SSH3: variants seen among roughly 807,000 people sequenced by gnomAD.
The protein encoded by SSH3 is protein phosphatase Slingshot homolog 3.
A neutral mutation model predicts 75.0 loss-of-function variants in SSH3; 67 were observed. The ratio of observed to expected loss-of-function variants is 0.89; its 90% CI spans 0.73 to 1.10. The LOEUF (loss-of-function observed/expected upper bound fraction) is 1.10. SSH3 is among the 50% of genes least tolerant of loss of function. The pLI, the probability that SSH3 is intolerant of heterozygous loss-of-function variation, is 0.00. For missense variants in SSH3, 824 were observed against 872.7 expected (o/e 0.94, Z 0.70); for synonymous variants, 318 against 349.2 (o/e 0.91, Z 1.00).
chr11:67,303,913 G>GC, intron 1 of SSH3: 3 of 776,408 alleles, frequency 3.9e-6, no homozygotes, highest in African/African-American at 1.9e-5. Flanking sequence ...ATCTGAGCGC[G>GC]CCCCCCGCCA....
chr11:67,304,061 A>G, intron 1 of SSH3, 57 bp from the exon 2 acceptor site: 1 of 1,528,750 alleles, frequency 6.5e-7, no homozygotes, highest in Admixed American at 2.0e-5. Flanking sequence ...TTCCTGAGAG[A>G]GGGGAGGGGA....
chr11:67,312,200 C>T lies in SSH3; in HGVS notation c.*313C>T, dbSNP rs1333448334. On this transcript the variant is annotated 3_prime_UTR_variant, in exon 14 of 14. Coordinates refer to ENST00000308127, the MANE Select transcript of SSH3 (RefSeq NM_017857.4). ...CCCTAGTTTCATTCTCAACTCTAGC[C>T]CTGCACACTCACCTGTGGCACGGAA... 1 of 424,104 alleles carries T rather than the reference C, an allele frequency of 2.4e-6. No homozygotes were observed. The highest frequency in any genetic ancestry group is 4.9e-5 in the East Asian group (1 of 20,356). 26.3% of individuals were successfully genotyped at this position (424,104 alleles called of 1,614,324 possible). A position where few individuals can be genotyped will look rare whatever the true frequency, so the allele number is the denominator to read the frequency against.
chr11:67,311,488 C>A, intron 13 of SSH3, 103 bp from the exon 14 acceptor site: 1 of 1,449,696 alleles, frequency 6.9e-7, no homozygotes, highest in Non-Finnish European at 9.5e-7. Flanking sequence ...CTCCTCCTGG[C>A]TCTGTGCTTG....
chr11:67,304,369 C>T (rs1047694977), intron 2 of SSH3, among the ~76,000 whole-genome samples: 8 of 152,176 alleles, frequency 5.3e-5, no homozygotes, highest in African/African-American at 1.4e-4. Context: ...GCTGGGGCTT[C>T]CTCATCCACT....
Position 67,308,488 on chromosome 11 carries a change from C to A in SSH3, c.1061+30C>A. 6.4e-7 allele frequency: 1 copy of A among 1,557,356 alleles called. No individual in the cohort carries two copies. The highest frequency in any genetic ancestry group is 8.7e-7 in the Non-Finnish European group (1 of 1,151,300). On this transcript the variant is annotated intron_variant, in intron 10 of 13. Coordinates refer to ENST00000308127, the MANE Select transcript of SSH3 (RefSeq NM_017857.4). The surrounding 1 kb of genome is among the most constrained non-coding windows in gnomAD (Gnocchi z 4.9). The stretch of plus-strand genomic sequence containing the variant: ...GGCTATGAGCCCCTCGGGCCACCCA[C>A]CCCATCTTCCCTTCTCCTGGCCTCC...
rs1056219076 is a variant in SSH3, at chr11:67,304,975, C to T, written c.307C>T (p.Gln103Ter). 4 of 1,612,672 alleles carry T rather than the reference C, an allele frequency of 2.5e-6. No homozygotes were observed. The highest frequency in any genetic ancestry group is 3.4e-6 in the Non-Finnish European group (4 of 1,179,838). The change falls in exon 3 of 14, where the codon CAG becomes TAG. Residue 103 changes from glutamine to a stop codon, truncating the protein, a stop_gained. Coordinates refer to ENST00000308127, the MANE Select transcript of SSH3 (RefSeq NM_017857.4). LOFTEE classifies it high-confidence loss of function. ...EQRQHLHLMVQLLRPQDDIRL... is the reference protein window; with the variant it reads ...EQRQHLHLMV ...GAGGCAGCACCTGCACCTCATGGTA[C>T]AGCTGCTGAGGCCGCAGGATGACAT... is the stretch of plus-strand genomic sequence containing the variant.
Position 67,304,773 on chromosome 11 carries a change from G to C in SSH3, c.105G>C (p.Arg35Ser), listed in dbSNP as rs1481343538. The change falls in exon 3 of 14, where the codon AGG becomes AGC. Residue 35 changes from arginine to serine, a missense_variant and splice_region_variant. Transcript: ENST00000308127. ...AVQRRSRLQR[R>S]QSFAVLRGAV... ...TGACAGTTGCCCACTGCCCTGCCAG[G>C]CAGAGCTTTGCGGTGCTCCGTGGGG... is the stretch of plus-strand genomic sequence containing the variant. 4 of 1,599,178 alleles carry C rather than the reference G, an allele frequency of 2.5e-6. No homozygotes were observed. The Admixed American group carries it at 7.1e-5, about 28-fold the overall frequency.
Position 67,306,933 on chromosome 11 carries a change from C to T in SSH3, c.435C>T (p.Val145=), listed in dbSNP as rs1436269502. 6.2e-7 allele frequency: 1 copy of T among 1,613,166 alleles called. No individual in the cohort carries two copies. The highest frequency in any genetic ancestry group is 8.5e-7 in the Non-Finnish European group (1 of 1,179,378). ...EGEGLSQDET[V]LLGVDFPDSS... ...AAGGTCTGAGCCAGGATGAGACGGT[C>T]CTCCTGGGCGTGGATTTCCCTGACA... The change falls in exon 4 of 14, where the codon GTC becomes GTT. Residue 145 remains valine, a synonymous_variant. Transcript: ENST00000308127.
In SSH3 at chr11:67,308,252, C is replaced by T; in HGVS notation, c.964C>T (p.Leu322=). The T allele has an allele frequency of 6.2e-7, 1 of 1,614,138 alleles. No homozygotes were observed. ...RDFIDNQMLL[L]VAQRDRASRI... ...CTTCATCGACAACCAGATGCTGCTG[C>T]TGGTGGCACAGCGGGACCGAGCCTC... is the stretch of plus-strand genomic sequence containing the variant. Residue 322 remains leucine, a synonymous_variant, in exon 9 of 14, where the codon CTG becomes TTG. Transcript: ENST00000308127. The surrounding 1 kb of genome is among the most constrained non-coding windows in gnomAD (Gnocchi z 4.9).
In SSH3 at chr11:67,307,095, T is replaced by G. The variant is rs1861268075; in HGVS notation, c.518T>G (p.Val173Gly). ...LVLPLWSDTQVYLDGDGGFSV... is the reference protein window; with the variant it reads ...LVLPLWSDTQGYLDGDGGFSV... The stretch of plus-strand genomic sequence containing the variant: ...TTGCCCCTCTGGAGTGACACCCAGG[T>G]GTACTTAGATGGAGACGGGTAAGCA... Residue 173 changes from valine to glycine, a missense_variant, in exon 5 of 14, where the codon GTG becomes GGG. Transcript: ENST00000308127. This position sits in a 1 kb window ranked among gnomAD's most constrained non-coding sequence, Gnocchi z 4.2. The G allele has an allele frequency of 6.2e-7, 1 of 1,613,582 alleles. No homozygotes were observed. The highest frequency in any genetic ancestry group is 8.5e-7 in the Non-Finnish European group (1 of 1,179,968).
intron 13 of SSH3, among the ~76,000 whole-genome samples, chr11:67,310,671 CA>C (rs1861385948): frequency 6.6e-6 from 1 of 152,070 alleles, no homozygotes; most frequent in African/African-American, 2.4e-5. Flanking sequence ...GGAGAGGGGT[CA>C]CGGGGGCAGG....
Position 67,310,255 on chromosome 11 carries a change from C to T in SSH3, c.1599C>T (p.Asn533=), listed in dbSNP as rs764358411. 5.0e-6 allele frequency: 8 copies of T among 1,614,226 alleles called. No homozygotes were observed. Among genetic ancestry groups the T allele is most frequent in the South Asian group, 3.3e-5 (3 of 91,090 alleles). ...AGCCTGGGCCACGGCCACGTATAAACCTCCGAGGGGTCATGAGGTCCATCA... is the reference window on the plus strand; with the variant it reads ...AGCCTGGGCCACGGCCACGTATAAATCTCCGAGGGGTCATGAGGTCCATCA... ...KEEPGPRPRI[N]LRGVMRSISL... is the part of the protein sequence containing the mutation. Residue 533 remains asparagine, a synonymous_variant, in exon 13 of 14, where the codon AAC becomes AAT. Coordinates refer to ENST00000308127, the MANE Select transcript of SSH3 (RefSeq NM_017857.4).
intron 3 of SSH3, 138 bp downstream of exon 3, chr11:67,305,145 T>C: frequency 1.3e-6 from 1 of 763,300 alleles, no homozygotes; most frequent in Non-Finnish European, 2.1e-6. Context: ...GGGTTACCCA[T>C]ATCCCAGTGA....
chr11:67,311,560 C>T, intron 13 of SSH3, 31 bp from the exon 14 acceptor site: 2 of 1,611,450 alleles, frequency 1.2e-6, no homozygotes, highest in Non-Finnish European at 1.7e-6. Context: ...GAAAGGCCTC[C>T]CATGGCTTCC....
rs769869473 is a variant in SSH3 at position 67,308,179 on chromosome 11, C to T, written c.891C>T (p.Arg297=). The T allele has an allele frequency of 5.6e-6, 9 of 1,613,186 alleles. No homozygotes were observed. The highest frequency in any genetic ancestry group is 7.6e-6 in the Non-Finnish European group (9 of 1,179,698). Residue 297 remains arginine, a synonymous_variant, in exon 9 of 14, where the codon CGC becomes CGT. Transcript: ENST00000308127. This position sits in a 1 kb window ranked among gnomAD's most constrained non-coding sequence, Gnocchi z 4.9. ...DLESVTSKEI[R]QALELRLGLP... is the part of the protein sequence containing the mutation. ...GCCCTGGGCTCTGCCTGCAGATCCGCCAGGCTCTGGAGCTGCGCCTGGGGC... is the reference window on the plus strand; with the variant it reads ...GCCCTGGGCTCTGCCTGCAGATCCGTCAGGCTCTGGAGCTGCGCCTGGGGC...
chr11:67,303,771 C>T (rs1861135923), intron 1 of SSH3, 80 bp downstream of exon 1: 2 of 1,367,250 alleles, frequency 1.5e-6, no homozygotes, highest in South Asian at 3.1e-5. Context: ...CAGCGGGCTC[C>T]TCTCGAACGG....
In SSH3 at chr11:67,311,750, C is replaced by T. The variant is rs772369849; in HGVS notation, c.1843C>T (p.Arg615Trp). The change falls in exon 14 of 14, where the codon CGG becomes TGG. Residue 615 changes from arginine to tryptophan, a missense_variant. By Grantham distance (101) the Arg-to-Trp change is moderately radical. Transcript: ENST00000308127. ...TLQGSAVVAN[R>W]TQAFQEQEQG... is the part of the protein sequence containing the mutation. ...CCAGGGCAGTGCCGTGGTGGCCAAC[C>T]GGACCCAGGCCTTCCAGGAGCAGGA... The T allele has an allele frequency of 8.7e-6, 14 of 1,613,842 alleles. No homozygotes were observed. Among genetic ancestry groups the T allele is most frequent in the African/African-American group, 2.7e-5 (2 of 74,912 alleles).
At position 67,312,190 on chromosome 11, in the gene SSH3, C is replaced by T. The variant is rs1861430048; in HGVS notation, c.*303C>T. The T allele has an allele frequency of 3.4e-5, 16 of 464,088 alleles. No homozygotes were observed. The highest frequency in any genetic ancestry group is 7.7e-6 in the Non-Finnish European group (2 of 258,954). 28.7% of individuals were successfully genotyped at this position (464,088 alleles called of 1,614,324 possible). A position where few individuals can be genotyped will look rare whatever the true frequency, so the allele number is the denominator to read the frequency against. On this transcript the variant is annotated 3_prime_UTR_variant, in exon 14 of 14. Coordinates refer to ENST00000308127, the MANE Select transcript of SSH3 (RefSeq NM_017857.4). ...GGCAACAGCACCCTAGTTTCATTCT[C>T]AACTCTAGCCCTGCACACTCACCTG...
At chr11:67,311,218 G>C (rs899958897) in intron 13 of SSH3, among the ~76,000 whole-genome samples, 1 of 152,224 alleles carries the variant, frequency 6.6e-6, no homozygotes, top group Non-Finnish European at 1.5e-5. Flanking sequence ...ACCCAGCCCA[G>C]CTCAGGGGCT....
Sources: gnomAD v4.1 joint callset for allele counts (sites outside exome capture counted in the v4.1 genomes callset) on GRCh38, gnomAD v4.1.1 for gene constraint, Gnocchi (gnomAD v3.1) non-coding constraint, MANE v1.5 for transcripts, NCBI Gene and HGNC (gene_info 2026-07-23, HGNC 2026-07-21) for gene names.